Variants in HCRTR2 observed in about 807,000 individuals in gnomAD.
The protein encoded by HCRTR2 is orexin receptor type 2.
Under a neutral mutation model 49.0 loss-of-function variants are expected in HCRTR2, and 22 were observed. That is an observed-to-expected ratio of 0.45 (90% confidence interval 0.32 to 0.64). The LOEUF is 0.64. HCRTR2 is among the 30% of genes least tolerant of loss of function. The probability of loss-of-function intolerance (pLI) is 0.04; values close to 1 mark genes in which losing one functional copy is unlikely to be tolerated. For synonymous variants in HCRTR2, 236 were observed against 205.3 expected (o/e 1.15, Z -1.28); for missense variants, 491 against 559.4 (o/e 0.88, Z 1.23).
intron 1 of HCRTR2, among the ~76,000 whole-genome samples, chr6:55,213,360 T>C (rs757700915): frequency 3.3e-5 from 5 of 152,278 alleles, no homozygotes; most frequent in Non-Finnish European, 5.9e-5. Flanking sequence ...TTACCTGTCA[T>C]ATGGGTCTTG....
chr6:55,223,657 C>T (rs1385285880), intron 1 of HCRTR2, among the ~76,000 whole-genome samples: 1 of 151,946 alleles, frequency 6.6e-6, no homozygotes, highest in Non-Finnish European at 1.5e-5. Context: ...TTTTTTATCA[C>T]TTGAGAATAT....
rs866382342 is a variant in HCRTR2 at position 55,208,319 on chromosome 6, T to A, written c.223+33509T>A. Among the ~76,000 whole-genome samples, 487 of 126,660 alleles carry A rather than the reference T, an allele frequency of 3.8e-3. 3 individuals are homozygous for A. The highest frequency in any genetic ancestry group is 0.011 in the African/African-American group (352 of 32,662). The allele number at this position is 126,660 out of a possible 152,430, so 83.1% of individuals were successfully genotyped here. On this transcript the variant is annotated intron_variant, in intron 1 of 6. Coordinates refer to ENST00000370862, the MANE Select transcript of HCRTR2 (RefSeq NM_001384272.1). ...GGTGAAAAACAGTCTCTACGAAAAA[T>A]AAAAAAATAAAAAAAAAAAAAAAAT... is the stretch of plus-strand genomic sequence containing the variant.
intron 1 of HCRTR2, among the ~76,000 whole-genome samples, chr6:55,156,150 AT>A (rs1272557351): frequency 6.6e-6 from 1 of 151,678 alleles, no homozygotes; most frequent in Non-Finnish European, 1.5e-5. Flanking sequence ...TATTATTTTT[AT>A]TAATATTATT....
At chr6:55,225,542 T>A (rs1367729544) in intron 1 of HCRTR2, among the ~76,000 whole-genome samples, 1 of 152,206 alleles carries the variant, frequency 6.6e-6, no homozygotes, top group African/African-American at 2.4e-5. Context: ...GAGATTCTAA[T>A]ATAATCTGTG....
intron 1 of HCRTR2, among the ~76,000 whole-genome samples, chr6:55,238,110 A>T (rs1766248322): frequency 1.3e-5 from 2 of 152,198 alleles, no homozygotes; most frequent in South Asian, 4.1e-4. Context: ...CAGGTGCTTC[A>T]AAATTACATA....
chr6:55,181,387 A>T (rs1581812468), intron 1 of HCRTR2, among the ~76,000 whole-genome samples: 1 of 152,334 alleles, frequency 6.6e-6, no homozygotes, highest in East Asian at 1.9e-4. Context: ...ATAACATTAA[A>T]TTTCTTGCCA....
chr6:55,218,672 A>G (rs555099055), intron 1 of HCRTR2, among the ~76,000 whole-genome samples: 1 of 152,356 alleles, frequency 6.6e-6, no homozygotes, highest in South Asian at 2.1e-4. Flanking sequence ...AAGAAGGACA[A>G]TATGTAATAT....
intron 1 of HCRTR2, among the ~76,000 whole-genome samples, chr6:55,246,302 G>T (rs1278189755): frequency 6.6e-6 from 1 of 151,978 alleles, no homozygotes; most frequent in South Asian, 2.1e-4. Context: ...TATAGGTAAA[G>T]CTTATTCATT....
chr6:55,131,803 G>A (rs947500248), intron 1 of HCRTR2, among the ~76,000 whole-genome samples: 1 of 151,262 alleles, frequency 6.6e-6, no homozygotes, highest in Non-Finnish European at 1.5e-5. Context: ...TACTCTTTAA[G>A]TATTTGTCAT....
chr6:55,248,751 G>C lies in HCRTR2; in HGVS notation c.336G>C (p.Leu112=), dbSNP rs1421667431. 1 of 1,613,368 alleles carries C rather than the reference G, an allele frequency of 6.2e-7. No homozygotes were observed. The highest frequency in any genetic ancestry group is 1.3e-5 in the African/African-American group (1 of 74,870). Residue 112 remains leucine, a synonymous_variant, in exon 2 of 7, where the codon CTG becomes CTC. Coordinates refer to ENST00000370862, the MANE Select transcript of HCRTR2 (RefSeq NM_001384272.1). The part of the protein sequence containing the change: ...LVTITCLPAT[L]VVDITETWFF... ...CCATCACCTGCCTTCCAGCCACACT[G>C]GTCGTGGATATCACTGAGACCTGGT...
intron 1 of HCRTR2, among the ~76,000 whole-genome samples, chr6:55,194,016 C>T (rs1450999026): frequency 6.6e-6 from 1 of 151,918 alleles, no homozygotes; most frequent in East Asian, 1.9e-4. Context: ...AAATAGTGCC[C>T]TAAAAATGTT....
At chr6:55,203,210 G>T (rs1303072176) in intron 1 of HCRTR2, among the ~76,000 whole-genome samples, 1 of 152,108 alleles carries the variant, frequency 6.6e-6, no homozygotes, top group Non-Finnish European at 1.5e-5. Flanking sequence ...TTCTCTGAAG[G>T]ATAGAATTTG....
intron 1 of HCRTR2, among the ~76,000 whole-genome samples, chr6:55,107,004 A>G (rs1327379331): frequency 6.6e-6 from 1 of 152,114 alleles, no homozygotes; most frequent in Non-Finnish European, 1.5e-5. Context: ...CTCCAAGGTG[A>G]TTGTAAGTGA....
At chr6:55,260,977 C>G (rs1007169456) in intron 3 of HCRTR2, among the ~76,000 whole-genome samples, 2 of 152,040 alleles carry the variant, frequency 1.3e-5, no homozygotes, top group East Asian at 3.9e-4. Context: ...TATTCCTCAA[C>G]AATACTATGG....
intron 1 of HCRTR2, among the ~76,000 whole-genome samples, chr6:55,149,445 G>A (rs1764635841): frequency 6.6e-6 from 1 of 152,006 alleles, no homozygotes. Flanking sequence ...TGAGCAAATT[G>A]CTATTATGAT....
chr6:55,126,219 C>T (rs1281159421), intron 1 of HCRTR2, among the ~76,000 whole-genome samples: 1 of 152,110 alleles, frequency 6.6e-6, no homozygotes, highest in African/African-American at 2.4e-5. Context: ...GAATTTTCAG[C>T]CTTTTTTGCA....
At chr6:55,278,727 A>ATT (rs537176068) in intron 5 of HCRTR2, among the ~76,000 whole-genome samples, 72 of 144,686 alleles carry the variant, frequency 5.0e-4, no homozygotes, top group Non-Finnish European at 9.7e-4. Flanking sequence ...GCTTCTTATT[A>ATT]ATTATTATTA....
intron 1 of HCRTR2, among the ~76,000 whole-genome samples, chr6:55,122,455 C>G (rs1194031726): frequency 2.0e-5 from 3 of 152,082 alleles, no homozygotes; most frequent in South Asian, 2.1e-4. Flanking sequence ...TTTTGTGTCT[C>G]TATCTCCTTC....
chr6:55,251,691 A>G (rs141929955), intron 2 of HCRTR2, among the ~76,000 whole-genome samples: 144 of 151,968 alleles, frequency 9.5e-4, no homozygotes, highest in Middle Eastern at 3.4e-3. Context: ...ATTTGGCAAA[A>G]TTTTCATTTC....
Sources: gnomAD v4.1 joint callset for allele counts (sites outside exome capture counted in the v4.1 genomes callset) on GRCh38, gnomAD v4.1.1 for gene constraint, MANE v1.5 for transcripts, NCBI Gene and HGNC (gene_info 2026-07-23, HGNC 2026-07-21) for gene names.